Variants in C2orf68 observed in about 807,000 individuals in gnomAD.
The protein encoded by C2orf68 is chromosome 2 open reading frame 68, also known as UPF0561 protein C2orf68.
C2orf68 carries 15 observed loss-of-function variants against 19.1 expected under a neutral mutation model. The ratio of observed to expected loss-of-function variants is 0.79; its 90% CI spans 0.53 to 1.21. The LOEUF (loss-of-function observed/expected upper bound fraction) is 1.21. C2orf68 is among the 50% of genes most tolerant of loss of function. C2orf68 has a pLI of 0.00. For missense variants in C2orf68, 242 were observed against 226.6 expected (o/e 1.07, Z -0.44); for synonymous variants, 98 against 91.0 (o/e 1.08, Z -0.44).
intron 2 of C2orf68, chr2:85,611,410 G>T: frequency 6.7e-7 from 1 of 1,503,556 alleles, no homozygotes; most frequent in Non-Finnish European, 8.9e-7. Flanking sequence ...AATACAGCAC[G>T]GTGGGGCAAA....
rs1419761181 is a variant in C2orf68 at position 85,607,597 on chromosome 2, A to G, written c.*1348T>C. On this transcript the variant is annotated 3_prime_UTR_variant, in exon 4 of 4. Coordinates refer to ENST00000306336, the MANE Select transcript of C2orf68 (RefSeq NM_001013649.4). Reference sequence around the variant, plus strand: ...TGACTTGACACATTTTAATGACAAGATTGAAGTAGCTACCTTGCAGGATAG... The same window carrying G: ...TGACTTGACACATTTTAATGACAAGGTTGAAGTAGCTACCTTGCAGGATAG... The G allele has an allele frequency of 6.6e-6, 1 of 152,180 alleles. No homozygotes were observed. The highest frequency in any genetic ancestry group is 1.5e-5 in the Non-Finnish European group (1 of 68,038). The allele number at this position is 152,180 out of a possible 1,614,324, so 9.4% of individuals were successfully genotyped here.
At position 85,608,987 on chromosome 2, in the gene C2orf68, C is replaced by T; in HGVS notation, c.459G>A (p.Leu153=). The change falls in exon 4 of 4, where the codon TTG becomes TTA. Residue 153 remains leucine, a synonymous_variant. Coordinates refer to ENST00000306336, the MANE Select transcript of C2orf68 (RefSeq NM_001013649.4). ...LDPPMREALK[L]RIQEEIAKRQ... Reference sequence around the variant, plus strand: ...GCTTTGCAATCTCCTCCTGGATACGCAACTTGAGGGCTTCTCGCATGGGTG... The same window carrying T: ...GCTTTGCAATCTCCTCCTGGATACGTAACTTGAGGGCTTCTCGCATGGGTG... 1 of 1,614,234 alleles carries T rather than the reference C, an allele frequency of 6.2e-7. No individual in the cohort carries two copies. Among genetic ancestry groups the T allele is most frequent in the Non-Finnish European group, 8.5e-7 (1 of 1,180,052 alleles).
chr2:85,609,081 G>A lies in C2orf68; in HGVS notation c.379-14C>T. ...TGGGTCATCACCCTACGTGGAGGAA[G>A]AGTCAGAAGGCTCAGGGCCTGGCCT... On this transcript the variant is annotated splice_polypyrimidine_tract_variant and intron_variant, in intron 3 of 3. Transcript: ENST00000306336. 1 of 1,613,814 alleles carries A rather than the reference G, an allele frequency of 6.2e-7. No individual in the cohort carries two copies. The highest frequency in any genetic ancestry group is 8.5e-7 in the Non-Finnish European group (1 of 1,179,820).
rs913550577 is a variant in C2orf68 at position 85,607,583 on chromosome 2, A to G, written c.*1362T>C. 3 of 152,190 alleles carry G rather than the reference A, an allele frequency of 2.0e-5. No homozygotes were observed. The highest frequency in any genetic ancestry group is 7.2e-5 in the African/African-American group (3 of 41,442). 9.4% of individuals were successfully genotyped at this position (152,190 alleles called of 1,614,324 possible). On this transcript the variant is annotated 3_prime_UTR_variant, in exon 4 of 4. Coordinates refer to ENST00000306336, the MANE Select transcript of C2orf68 (RefSeq NM_001013649.4). ...GGCATTGCGAGCTGTGACTTGACAC[A>G]TTTTAATGACAAGATTGAAGTAGCT...
At chr2:85,609,331 A>C (rs919648294) in intron 3 of C2orf68, 104 bp downstream of exon 3, 7 of 1,479,270 alleles carry the variant, frequency 4.7e-6, no homozygotes, top group Non-Finnish European at 5.5e-6. Context: ...TGTGGAGCAG[A>C]CGCTTCCCAT....
chr2:85,610,818 G>C (rs1018210850), intron 2 of C2orf68: 3 of 150,594 alleles, frequency 2.0e-5, no homozygotes, highest in African/African-American at 7.4e-5. Context: ...GAGTGCAGTG[G>C]CGCGATCTCG....
chr2:85,611,837 G>GCCAGT (rs1482166854), intron 1 of C2orf68, 41 bp downstream of exon 1: 1 of 1,603,658 alleles, frequency 6.2e-7, no homozygotes, highest in Non-Finnish European at 8.5e-7. Flanking sequence ...GCCAGGCCAG[G>GCCAGT]CCAGGAGTGG....
Position 85,611,933 on chromosome 2 carries a change from G to GC in C2orf68, c.51dup (p.Arg18AlafsTer23). ...ACGAAGCCGTGGTTCATGTCCAGCC[G>GC]CCCCCCAGGCTTGCAGCAGTGCCCC... On this transcript the variant is annotated frameshift_variant, in exon 1 of 4. Coordinates refer to ENST00000306336, the MANE Select transcript of C2orf68 (RefSeq NM_001013649.4). LOFTEE classifies it high-confidence loss of function. 1.9e-6 allele frequency: 3 copies of GC among 1,585,636 alleles called. No homozygotes were observed. The highest frequency in any genetic ancestry group is 2.3e-5 in the East Asian group (1 of 43,424).
rs746389238 is a variant in C2orf68 at position 85,609,104 on chromosome 2, C to A, written c.379-37G>T. On this transcript the variant is annotated intron_variant, in intron 3 of 3. Coordinates refer to ENST00000306336, the MANE Select transcript of C2orf68 (RefSeq NM_001013649.4). The stretch of plus-strand genomic sequence containing the variant: ...AAGAGTCAGAAGGCTCAGGGCCTGG[C>A]CTCTTCCAGAAAGGTGACCTGCCCT... The A allele has an allele frequency of 4.4e-6, 7 of 1,608,432 alleles. No individual in the cohort carries two copies. In the Admixed American group the frequency reaches 1.0e-4, roughly 23 times the overall value.
At position 85,608,948 on chromosome 2, in the gene C2orf68, G is replaced by A. The variant is rs1433612518; in HGVS notation, c.498C>T (p.His166=). Residue 166 remains histidine, a synonymous_variant, in exon 4 of 4, where the codon CAC becomes CAT. Transcript: ENST00000306336. The stretch of plus-strand genomic sequence containing the variant: ...GGAGAGAACGCCTTCAACATGGTCA[G>A]TGTTGGCTCTGGCGCTTTGCAATCT... ...QEEIAKRQSQ[H] 5 of 1,614,086 alleles carry A rather than the reference G, an allele frequency of 3.1e-6. No homozygotes were observed. The highest frequency in any genetic ancestry group is 4.2e-6 in the Non-Finnish European group (5 of 1,180,044).
rs760829024 is a variant in C2orf68 at position 85,609,570 on chromosome 2, TG to T, written c.242del (p.Pro81HisfsTer30). 1.4e-5 allele frequency: 22 copies of T among 1,614,026 alleles called. No individual in the cohort carries two copies. The highest frequency in any genetic ancestry group is 1.4e-5 in the Non-Finnish European group (16 of 1,180,032). On this transcript the variant is annotated frameshift_variant, in exon 3 of 4. Coordinates refer to ENST00000306336, the MANE Select transcript of C2orf68 (RefSeq NM_001013649.4). LOFTEE classifies it high-confidence loss of function. Reference protein sequence around the residue: ...LPRHRDVSAHPRNPDYEESGE... With the variant: ...LPRHRDVSAHXRNPDYEESGE... ...CGGACTCTTCATAGTCTGGGTTGCG[TG>T]GGTGGGCAGAGACATCTGGAAGGAT...
intron 1 of C2orf68, 31 bp from the exon 2 acceptor site, chr2:85,611,817 G>A: frequency 1.2e-6 from 2 of 1,608,336 alleles, no homozygotes; most frequent in Non-Finnish European, 8.5e-7. Flanking sequence ...GTCAGGGACT[G>A]TCGGGCCGGG....
rs1673289270 is a variant in C2orf68, at chr2:85,608,247, G to A, written c.*698C>T. Reference sequence around the variant, plus strand: ...TAGACAGTGCAAAGCAGTGGAACATGCGAGAAACGAAAAAGCCATGGAAAG... The same window carrying A: ...TAGACAGTGCAAAGCAGTGGAACATACGAGAAACGAAAAAGCCATGGAAAG... On this transcript the variant is annotated 3_prime_UTR_variant, in exon 4 of 4. Transcript: ENST00000306336. The A allele has an allele frequency of 6.6e-6, 1 of 152,212 alleles. No homozygotes were observed. The highest frequency in any genetic ancestry group is 6.5e-5 in the Admixed American group (1 of 15,274). The allele number at this position is 152,212 out of a possible 1,614,324, so 9.4% of individuals were successfully genotyped here. A position where few individuals can be genotyped will look rare whatever the true frequency, so the allele number is the denominator to read the frequency against.
rs1673179271 is a variant in C2orf68, at chr2:85,605,415, C to G, written c.*3530G>C. Among the ~76,000 whole-genome samples, 1 of 152,086 alleles carries G rather than the reference C, an allele frequency of 6.6e-6. No individual in the cohort carries two copies. Among genetic ancestry groups the G allele is most frequent in the Non-Finnish European group, 1.5e-5 (1 of 68,020 alleles). On this transcript the variant is annotated 3_prime_UTR_variant, in exon 4 of 4. Coordinates refer to ENST00000306336, the MANE Select transcript of C2orf68 (RefSeq NM_001013649.4). ...TAGCTTTTTATACATTTAACACAAC[C>G]AGTGCAAATTCTCCTGCCTCTGAGA...
rs1038059298 is a variant in C2orf68 at position 85,605,752 on chromosome 2, T to C, written c.*3193A>G. Among the ~76,000 whole-genome samples the C allele has an allele frequency of 6.6e-6, 1 of 152,158 alleles. No individual in the cohort carries two copies. Among genetic ancestry groups the C allele is most frequent in the Non-Finnish European group, 1.5e-5 (1 of 68,022 alleles). ...GAGATCCTGTCAAATGCACAGCAGATTGGATACTCACCATCCCAAAGGGGT... is the reference window on the plus strand; with the variant it reads ...GAGATCCTGTCAAATGCACAGCAGACTGGATACTCACCATCCCAAAGGGGT... On this transcript the variant is annotated 3_prime_UTR_variant, in exon 4 of 4. Coordinates refer to ENST00000306336, the MANE Select transcript of C2orf68 (RefSeq NM_001013649.4).
Position 85,609,552 on chromosome 2 carries a change from T to C in C2orf68, c.261A>G (p.Glu87=). Residue 87 remains glutamate (E), a synonymous_variant, in exon 3 of 4, where the codon GAA becomes GAG. Transcript: ENST00000306336. ...CACTACTGCTGCTTTCACCGGACTC[T>C]TCATAGTCTGGGTTGCGTGGGTGGG... The part of the protein sequence containing the change: ...VSAHPRNPDY[E]ESGESSSSGG... 1.2e-6 allele frequency: 2 copies of C among 1,614,176 alleles called. No homozygotes were observed. The highest frequency in any genetic ancestry group is 1.7e-6 in the Non-Finnish European group (2 of 1,180,026).
In C2orf68 at chr2:85,611,565, G is replaced by A. The variant is rs1370111479; in HGVS notation, c.226+103C>T. 1.2e-5 allele frequency: 18 copies of A among 1,551,008 alleles called. No individual in the cohort carries two copies. The East Asian group carries it at 3.4e-4, about 29-fold the overall frequency. On this transcript the variant is annotated intron_variant, in intron 2 of 3. Transcript: ENST00000306336. The stretch of plus-strand genomic sequence containing the variant: ...TGGAGGTTCCGGAAAGAGACGAGAT[G>A]AGCTGAACCTTAGGAGTAAGAAGTG...
In C2orf68 at chr2:85,611,859, G is replaced by GC; in HGVS notation, c.107+18dup. The GC allele has an allele frequency of 6.3e-7, 1 of 1,599,046 alleles. No homozygotes were observed. Among genetic ancestry groups the GC allele is most frequent in the Non-Finnish European group, 8.5e-7 (1 of 1,177,358 alleles). ...CAGGCCAGGAGTGGTGGCGGCGGCG[G>GC]CGCAGGGCGGGGCGGTACCGAGCGA... is the stretch of plus-strand genomic sequence containing the variant. On this transcript the variant is annotated intron_variant, in intron 1 of 3. Transcript: ENST00000306336.
At chr2:85,609,382 A>G in intron 3 of C2orf68, 53 bp downstream of exon 3, 1 of 1,594,180 alleles carries the variant, frequency 6.3e-7, no homozygotes, top group South Asian at 1.1e-5. Context: ...TCTGACAATG[A>G]TTACTACCAT....
Sources: allele counts gnomAD v4.1 joint callset (sites outside exome capture counted in the v4.1 genomes callset), GRCh38; gene constraint gnomAD v4.1.1; transcripts MANE v1.5; gene names NCBI Gene and HGNC (gene_info 2026-07-23, HGNC 2026-07-21).